The following UPP1 variants were observed in gnomAD, a reference collection of about 807,000 sequenced individuals.
UPP1 encodes uridine phosphorylase 1.
A neutral mutation model predicts 29.6 loss-of-function variants in UPP1; 25 were observed. That is an observed-to-expected ratio of 0.85 (90% CI 0.62 to 1.18). The LOEUF is 1.18. Among genes scored for constraint, UPP1 ranks in the 50% most tolerant of loss-of-function variants. UPP1 has a pLI of 0.00. For missense variants in UPP1, 368 were observed against 410.4 expected (o/e 0.90, Z 0.89); for synonymous variants, 165 against 159.8 (o/e 1.03, Z -0.25).
Position 48,108,384 on chromosome 7 carries a change from G to A in UPP1, c.*27G>A. ...CGCTGCCCTGCACCTCCGCAGACCT[G>A]CTGTGATGACTTGCCATTAAAAGCA... is the stretch of plus-strand genomic sequence containing the variant. On this transcript the variant is annotated 3_prime_UTR_variant, in exon 9 of 9. Transcript: ENST00000395564. 1 of 1,591,244 alleles carries A rather than the reference G, an allele frequency of 6.3e-7. No homozygotes were observed. The highest frequency in any genetic ancestry group is 8.6e-7 in the Non-Finnish European group (1 of 1,162,790).
In UPP1 at chr7:48,095,392, A is replaced by G. The variant is rs566650209; in HGVS notation, c.44+565A>G. ...TGGGCAGGCCTTCTGTCCTGCCGCC[A>G]TGGCCTCTCCCCAGTCTTGGTGGCC... On this transcript the variant is annotated intron_variant, in intron 3 of 8. Transcript: ENST00000395564. 2.0e-5 allele frequency among the ~76,000 whole-genome samples: 3 copies of G among 151,336 alleles called. No individual in the cohort carries two copies. The East Asian group carries it at 5.9e-4, about 30-fold the overall frequency.
At chr7:48,098,662 C>T (rs112619184) in intron 3 of UPP1, among the ~76,000 whole-genome samples, 3,496 of 152,186 alleles carry the variant, frequency 0.023, 130 homozygotes, top group African/African-American at 0.077. Context: ...TTTTTCTTTT[C>T]TCATGAGTTA....
intron 8 of UPP1, 120 bp downstream of exon 8, chr7:48,107,627 C>A: frequency 8.2e-7 from 1 of 1,222,914 alleles, no homozygotes; most frequent in Non-Finnish European, 1.1e-6. Flanking sequence ...TTTCTGTTTC[C>A]GCTGCCCCCA....
Position 48,107,514 on chromosome 7 carries a change from G to A in UPP1, c.793+7G>A, listed in dbSNP as rs765488177. 21 of 1,599,396 alleles carry A rather than the reference G, an allele frequency of 1.3e-5. No homozygotes were observed. The highest frequency in any genetic ancestry group is 1.1e-4 in the East Asian group (5 of 44,602). ...AGCGCCTGCGGCCTCCAAGGTAAGCGGCACTTGATGGGCCTCGGCGTCCCC... is the reference window on the plus strand; with the variant it reads ...AGCGCCTGCGGCCTCCAAGGTAAGCAGCACTTGATGGGCCTCGGCGTCCCC... On this transcript the variant is annotated splice_region_variant and intron_variant, in intron 8 of 8. Transcript: ENST00000395564.
rs754747305 is a variant in UPP1, at chr7:48,106,870, C to T, written c.437-3C>T. On this transcript the variant is annotated splice_polypyrimidine_tract_variant and splice_region_variant and intron_variant, in intron 6 of 8. Transcript: ENST00000395564. Reference sequence around the variant, plus strand: ...ATATCTTGATGTCTGCTTTTTTCCTCAGGTCTGGAGCCCGGCACTGTGGTC... The same window carrying T: ...ATATCTTGATGTCTGCTTTTTTCCTTAGGTCTGGAGCCCGGCACTGTGGTC... 2 of 1,613,236 alleles carry T rather than the reference C, an allele frequency of 1.2e-6. No individual in the cohort carries two copies. The highest frequency in any genetic ancestry group is 1.1e-5 in the South Asian group (1 of 91,028).
At position 48,106,930 on chromosome 7, in the gene UPP1, C is replaced by A; in HGVS notation, c.494C>A (p.Ala165Glu). Residue 165 changes from alanine to glutamate, a missense_variant, in exon 7 of 9, where the codon GCA (alanine) becomes GAA (glutamate). Physicochemically the swap from Ala to Glu is moderately radical, Grantham distance 107. Transcript: ENST00000395564. ...CAGGCAGTGGATACCTGCTTCAAGG[C>A]AGAGTTTGAGCAGATTGTCCTGGGG... The part of the protein sequence containing the change: ...TEQAVDTCFK[A>E]EFEQIVLGKR... The A allele has an allele frequency of 6.2e-7, 1 of 1,613,650 alleles. No individual in the cohort carries two copies. The highest frequency in any genetic ancestry group is 1.1e-5 in the South Asian group (1 of 91,058).
chr7:48,093,668 G>A (rs1445956617), intron 2 of UPP1, among the ~76,000 whole-genome samples: 1 of 152,236 alleles, frequency 6.6e-6, no homozygotes, highest in Non-Finnish European at 1.5e-5. Context: ...AGCCCTAGTA[G>A]AATAACTTCA....
At chr7:48,096,175 C>T (rs935253883) in intron 3 of UPP1, among the ~76,000 whole-genome samples, 26 of 152,252 alleles carry the variant, frequency 1.7e-4, no homozygotes, top group African/African-American at 5.8e-4. Context: ...TGAGGGTTTC[C>T]TCCCCTTCCC....
chr7:48,092,542 ACT>A (rs1453572948), intron 2 of UPP1, among the ~76,000 whole-genome samples: 1 of 151,246 alleles, frequency 6.6e-6, no homozygotes. Flanking sequence ...CTCTTTTAAA[ACT>A]CATTCCCTTC....
rs200090329 is a variant in UPP1, at chr7:48,092,667, C to A, written c.-21-2096C>A. Among the ~76,000 whole-genome samples the A allele has an allele frequency of 2.6e-5, 4 of 151,802 alleles. No homozygotes were observed. In the East Asian group the frequency reaches 7.7e-4, roughly 29 times the overall value. ...AGTGAGCTGTGATTGCACCACTCCA[C>A]TCCAGCCTGGGTAACAGAGTGAGAC... On this transcript the variant is annotated intron_variant, in intron 2 of 8. Transcript: ENST00000395564.
In UPP1 at chr7:48,108,251, T is replaced by C; in HGVS notation, c.827T>C (p.Leu276Pro). The C allele has an allele frequency of 6.2e-7, 1 of 1,613,822 alleles. No homozygotes were observed. The highest frequency in any genetic ancestry group is 1.3e-5 in the African/African-American group (1 of 75,028). Reference protein sequence around the residue: ...AVVCVTLLNRLEGDQISSPRN... With the variant: ...AVVCVTLLNRPEGDQISSPRN... ...GTGTGTGTCACCCTCCTGAACCGCC[T>C]GGAAGGGGACCAGATCAGCAGCCCT... The change falls in exon 9 of 9, where the codon CTG becomes CCG. Residue 276 changes from leucine (L) to proline (P), a missense_variant. Physicochemically the swap from Leu to Pro is moderately conservative, Grantham distance 98. Transcript: ENST00000395564.
At chr7:48,104,020 C>T (rs1358628370) in intron 6 of UPP1, 1 of 696,948 alleles carries the variant, frequency 1.4e-6, no homozygotes, top group South Asian at 1.9e-5. Context: ...GAGATCGAGA[C>T]CATCCTGGCC....
intron 3 of UPP1, among the ~76,000 whole-genome samples, chr7:48,095,500 T>G (rs555769940): frequency 6.6e-6 from 1 of 152,080 alleles, no homozygotes; most frequent in South Asian, 2.1e-4. Context: ...CTCTGTAACT[T>G]CCCTGAGACC....
intron 6 of UPP1, 80 bp downstream of exon 6, chr7:48,103,491 G>A: frequency 8.1e-7 from 1 of 1,241,438 alleles, no homozygotes; most frequent in Admixed American, 1.7e-5. Flanking sequence ...ACATGGTGTG[G>A]CATTAGAGAC....
rs1233272749 is a variant in UPP1 at position 48,090,267 on chromosome 7, C to G, written c.-119C>G. 2.0e-5 allele frequency: 3 copies of G among 152,226 alleles called. No individual in the cohort carries two copies. The highest frequency in any genetic ancestry group is 7.2e-5 in the African/African-American group (3 of 41,458). The allele number at this position is 152,226 out of a possible 1,614,324, so 9.4% of individuals were successfully genotyped here. A position where few individuals can be genotyped will look rare whatever the true frequency, so the allele number is the denominator to read the frequency against. On this transcript the variant is annotated 5_prime_UTR_variant, in exon 2 of 9. Coordinates refer to ENST00000395564, the MANE Select transcript of UPP1 (RefSeq NM_003364.4). ...CAATTCAGGGCTTGGTGAGGTGACT[C>G]GCGGTCGCGGGTGACTCGCCGGCAG...
chr7:48,105,579 T>TTGAC (rs1792685440), intron 6 of UPP1: 1 of 152,292 alleles, frequency 6.6e-6, no homozygotes, highest in South Asian at 2.1e-4. Flanking sequence ...CAAGATGCCA[T>TTGAC]TGACTGAGTG....
chr7:48,106,554 G>C, intron 6 of UPP1: 1 of 305,504 alleles, frequency 3.3e-6, no homozygotes, highest in South Asian at 3.2e-5. Flanking sequence ...CAGGTGATCT[G>C]CTCGTCTTGG....
chr7:48,108,564 C>A lies in UPP1; in HGVS notation c.*207C>A. 1 of 550,458 alleles carries A rather than the reference C, an allele frequency of 1.8e-6. No individual in the cohort carries two copies. Among genetic ancestry groups the A allele is most frequent in the Non-Finnish European group, 2.8e-6 (1 of 355,016 alleles). The allele number at this position is 550,458 out of a possible 1,614,324, so 34.1% of individuals were successfully genotyped here. A position where few individuals can be genotyped will look rare whatever the true frequency, so the allele number is the denominator to read the frequency against. On this transcript the variant is annotated 3_prime_UTR_variant, in exon 9 of 9. Transcript: ENST00000395564. ...ATTGGAGCATTTTCAATGATGTTAG[C>A]CTGATTTGGGGTTTCTTCAAGAACA...
intron 8 of UPP1, 92 bp from the exon 9 acceptor site, chr7:48,108,126 C>T: frequency 1.3e-6 from 2 of 1,524,094 alleles, no homozygotes; most frequent in East Asian, 4.6e-5. Flanking sequence ...GGCAGAGAGG[C>T]TGCTCCTCAG....
Sources: gnomAD v4.1 joint callset for allele counts (sites outside exome capture counted in the v4.1 genomes callset) on GRCh38, gnomAD v4.1.1 for gene constraint, MANE v1.5 for transcripts, NCBI Gene and HGNC (gene_info 2026-07-23, HGNC 2026-07-21) for gene names.